The following LRRC4C variants were observed in gnomAD, a reference collection of about 807,000 sequenced individuals.
LRRC4C encodes leucine-rich repeat-containing protein 4C.
In LRRC4C, 5 loss-of-function variants were observed where a neutral mutation model predicts 33.6. The ratio of observed to expected loss-of-function variants is 0.15; its 90% confidence interval spans 0.08 to 0.31. The LOEUF (loss-of-function observed/expected upper bound fraction) is 0.31, where lower values mean the gene tolerates loss of function less well. Ranked by LOEUF, LRRC4C falls within the 10% of genes least tolerant of loss-of-function variation. The pLI, the probability that LRRC4C is intolerant of heterozygous loss-of-function variation, is 1.00. For synonymous variants in LRRC4C, 329 were observed against 302.0 expected, an observed-to-expected ratio of 1.09 and a Z score of -0.93; for missense variants, 560 against 796.7, an observed-to-expected ratio of 0.70 and a Z score of 3.58.
intron 1 of LRRC4C, among the ~76,000 whole-genome samples, chr11:41,339,736 T>C (rs1277412705): frequency 6.6e-6 from 1 of 152,194 alleles, no homozygotes; most frequent in Non-Finnish European, 1.5e-5. Flanking sequence ...CTTGGAGTAA[T>C]GGTTATATAG....
intron 1 of LRRC4C, among the ~76,000 whole-genome samples, chr11:41,332,205 A>T (rs1951316621): frequency 6.6e-6 from 1 of 152,176 alleles, no homozygotes; most frequent in Admixed American, 6.5e-5. Context: ...GTTACTAGAT[A>T]CCCAATTTGC....
At chr11:40,529,495 T>G (rs1439206533) in intron 3 of LRRC4C, among the ~76,000 whole-genome samples, 1 of 151,996 alleles carries the variant, frequency 6.6e-6, no homozygotes, top group Non-Finnish European at 1.5e-5. Context: ...AGATGGATCA[T>G]AGAAGGTAAG....
intron 2 of LRRC4C, among the ~76,000 whole-genome samples, chr11:40,714,897 A>C (rs139164589): frequency 6.6e-6 from 1 of 152,174 alleles, no homozygotes; most frequent in African/African-American, 2.4e-5. Flanking sequence ...ATATGCTGCC[A>C]CTACCTTCCA....
intron 2 of LRRC4C, among the ~76,000 whole-genome samples, chr11:40,810,512 A>C (rs1399138233): frequency 6.6e-6 from 1 of 152,130 alleles, no homozygotes; most frequent in African/African-American, 2.4e-5. Context: ...CTTTCTCTTG[A>C]GGTTAGACTC....
intron 1 of LRRC4C, among the ~76,000 whole-genome samples, chr11:41,233,968 T>C (rs1220483413): frequency 8.7e-6 from 1 of 115,028 alleles, no homozygotes; most frequent in African/African-American, 4.1e-5. Context: ...CTCCAAAAGC[T>C]TTTTTTTTTT....
At chr11:40,743,451 T>C (rs1436387238) in intron 2 of LRRC4C, among the ~76,000 whole-genome samples, 2 of 152,108 alleles carry the variant, frequency 1.3e-5, no homozygotes, top group South Asian at 2.1e-4. Flanking sequence ...TCAGCAGAGA[T>C]GCATTCACTT....
intron 2 of LRRC4C, among the ~76,000 whole-genome samples, chr11:40,764,852 G>C (rs771467235): frequency 1.3e-5 from 2 of 152,182 alleles, no homozygotes; most frequent in Non-Finnish European, 2.9e-5. Context: ...ACGTCTACAA[G>C]TCTTTAAGAC....
intron 1 of LRRC4C, among the ~76,000 whole-genome samples, chr11:41,188,654 T>G (rs79146522): frequency 0.013 from 1,930 of 151,902 alleles, 55 homozygotes; most frequent in African/African-American, 0.044. Flanking sequence ...TATTAGTTTT[T>G]TTATCTCTTC....
At chr11:40,251,664 C>G (rs1337798747) in intron 4 of LRRC4C, among the ~76,000 whole-genome samples, 1 of 152,224 alleles carries the variant, frequency 6.6e-6, no homozygotes, top group Non-Finnish European at 1.5e-5. Flanking sequence ...TAAACTAGCA[C>G]CTTCACCTAG....
intron 1 of LRRC4C, among the ~76,000 whole-genome samples, chr11:41,230,347 C>A (rs943615185): frequency 6.6e-6 from 1 of 152,060 alleles, no homozygotes; most frequent in Non-Finnish European, 1.5e-5. Context: ...GCACTGTCAT[C>A]TTTCTGGATA....
At chr11:40,779,467 C>CA (rs1203736464) in intron 2 of LRRC4C, among the ~76,000 whole-genome samples, 1 of 151,964 alleles carries the variant, frequency 6.6e-6, no homozygotes, top group Non-Finnish European at 1.5e-5. Flanking sequence ...TCAGAGAAAA[C>CA]AAAAAATTAA....
chr11:41,196,887 G>A (rs1946201530), intron 1 of LRRC4C, among the ~76,000 whole-genome samples: 1 of 151,962 alleles, frequency 6.6e-6, no homozygotes, highest in Admixed American at 6.6e-5. Context: ...CTTTCTGCAG[G>A]TAGAAAACTA....
At chr11:40,704,694 G>C (rs1254595950) in intron 2 of LRRC4C, among the ~76,000 whole-genome samples, 1 of 152,122 alleles carries the variant, frequency 6.6e-6, no homozygotes. Context: ...ATGGGGTTAT[G>C]ATCAGGATTA....
chr11:40,961,324 T>C (rs1014628333), intron 1 of LRRC4C, among the ~76,000 whole-genome samples: 1 of 151,618 alleles, frequency 6.6e-6, no homozygotes, highest in Non-Finnish European at 1.5e-5. Context: ...CTATTTTGCC[T>C]GAAACATTGA....
At chr11:40,873,499 A>G (rs1159591566) in intron 2 of LRRC4C, among the ~76,000 whole-genome samples, 1 of 152,084 alleles carries the variant, frequency 6.6e-6, no homozygotes, top group Non-Finnish European at 1.5e-5. Context: ...CTATCACTGG[A>G]CCTAAGGAAT....
chr11:40,638,301 T>C (rs934172028), intron 3 of LRRC4C, among the ~76,000 whole-genome samples: 3 of 152,196 alleles, frequency 2.0e-5, no homozygotes, highest in African/African-American at 7.2e-5. Context: ...AGAATAGTGT[T>C]TGACTCATGG....
chr11:40,771,515 A>G (rs761053299), intron 2 of LRRC4C, among the ~76,000 whole-genome samples: 9 of 152,278 alleles, frequency 5.9e-5, no homozygotes, highest in Non-Finnish European at 1.3e-4. Flanking sequence ...TCGGCTCCTC[A>G]TGCAAATTTC....
chr11:40,910,970 A>C (rs1360311285), intron 2 of LRRC4C, among the ~76,000 whole-genome samples: 1 of 152,204 alleles, frequency 6.6e-6, no homozygotes, highest in Non-Finnish European at 1.5e-5. Flanking sequence ...GTCTGAGATC[A>C]AACTGCAAGG....
intron 2 of LRRC4C, among the ~76,000 whole-genome samples, chr11:40,654,979 C>T (rs78663129): frequency 0.038 from 5,775 of 152,146 alleles, 162 homozygotes; most frequent in African/African-American, 0.077. Flanking sequence ...CTCCTGCTGC[C>T]CTGTGAAGAG....
Sources: allele counts gnomAD v4.1 joint callset (sites outside exome capture counted in the v4.1 genomes callset), GRCh38; gene constraint gnomAD v4.1.1; transcripts MANE v1.5; gene names NCBI Gene and HGNC (gene_info 2026-07-23, HGNC 2026-07-21).